GDAP2: variants seen among roughly 807,000 people sequenced by gnomAD.
The protein encoded by GDAP2 is ganglioside-induced differentiation-associated protein 2.
In GDAP2, 51 loss-of-function variants were observed where a neutral mutation model predicts 67.0. The ratio of observed to expected loss-of-function variants is 0.76; its 90% confidence interval spans 0.61 to 0.96. The LOEUF (loss-of-function observed/expected upper bound fraction) is 0.96. Ranked by LOEUF, GDAP2 falls within the 40% of genes least tolerant of loss-of-function variation. The pLI is 0.00. For synonymous variants in GDAP2, 203 were observed against 207.3 expected, an observed-to-expected ratio of 0.98 and a Z score of 0.18; for missense variants, 547 against 588.3, an observed-to-expected ratio of 0.93 and a Z score of 0.73.
intron 10 of GDAP2, among the ~76,000 whole-genome samples, chr1:117,884,764 T>C (rs1648787537): frequency 1.3e-5 from 2 of 151,966 alleles, no homozygotes; most frequent in Admixed American, 6.6e-5. Context: ...CATAAATGAT[T>C]ACAAACAGAA....
intron 12 of GDAP2, among the ~76,000 whole-genome samples, chr1:117,878,683 T>C (rs966072147): frequency 6.6e-6 from 1 of 152,216 alleles, no homozygotes; most frequent in African/African-American, 2.4e-5. Context: ...GTAGATGTGG[T>C]GCCATCTTTG....
chr1:117,888,084 A>G (rs1026169524), intron 8 of GDAP2, among the ~76,000 whole-genome samples: 10 of 152,180 alleles, frequency 6.6e-5, no homozygotes, highest in African/African-American at 2.4e-4. Context: ...TTAAAATACT[A>G]TTGTTTTCCT....
rs140652175 is a variant in GDAP2 at position 117,920,983 on chromosome 1, T to C, written c.-67-559A>G. Among the ~76,000 whole-genome samples the C allele has an allele frequency of 6.0e-4, 92 of 152,256 alleles. No homozygotes were observed. The East Asian group carries it at 0.017, about 28-fold the overall frequency. On this transcript the variant is annotated intron_variant, in intron 1 of 13. Coordinates refer to ENST00000369443, the MANE Select transcript of GDAP2 (RefSeq NM_017686.4). ...ACAGGAGTTGACAATTTACAGGATATGGTGTGTGAGACAGTGATATGGTAG... is the reference window on the plus strand; with the variant it reads ...ACAGGAGTTGACAATTTACAGGATACGGTGTGTGAGACAGTGATATGGTAG...
chr1:117,897,277 A>G (rs963593632), intron 7 of GDAP2, among the ~76,000 whole-genome samples: 1 of 152,250 alleles, frequency 6.6e-6, no homozygotes, highest in African/African-American at 2.4e-5. Flanking sequence ...ACAAAAAGAC[A>G]GAAGTAAATA....
chr1:117,924,922 C>T (rs1040519487), intron 1 of GDAP2, among the ~76,000 whole-genome samples: 13 of 152,172 alleles, frequency 8.5e-5, no homozygotes, highest in South Asian at 6.2e-4. Context: ...TTGCCTCATG[C>T]TCAATGGAAT....
At chr1:117,905,197 T>G (rs181625137) in intron 6 of GDAP2, among the ~76,000 whole-genome samples, 113 of 152,326 alleles carry the variant, frequency 7.4e-4, no homozygotes, top group African/African-American at 2.7e-3. Context: ...TCCACACAGC[T>G]AAAACAGAAA....
Position 117,876,564 on chromosome 1 carries a change from G to A in GDAP2, c.1446+1445C>T, listed in dbSNP as rs1570964034. Among the ~76,000 whole-genome samples, 2 of 152,238 alleles carry A rather than the reference G, an allele frequency of 1.3e-5. 1 individual carries two copies. Among genetic ancestry groups the A allele is most frequent in the South Asian group, 4.1e-4 (2 of 4,820 alleles). ...CTCAATTTTAGAAAGCTCTAGCATA[G>A]GTACAAAGAGATGATCCAATGAGCC... On this transcript the variant is annotated intron_variant, in intron 13 of 13. Transcript: ENST00000369443.
Position 117,878,152 on chromosome 1 carries a change from C to T in GDAP2, c.1303G>A (p.Val435Met). ...YFVHPTFRSK[V>M]STWFFTTFSV... ...AAGGTGGTAAAAAACCATGTTGACA[C>T]CTGATTAATAGAAGAGAAAAAATAA... is the stretch of plus-strand genomic sequence containing the variant. The change falls in exon 13 of 14, where the codon GTG becomes ATG. Residue 435 changes from valine (V) to methionine (M), a missense_variant and splice_region_variant. Coordinates refer to ENST00000369443, the MANE Select transcript of GDAP2 (RefSeq NM_017686.4). The T allele has an allele frequency of 6.6e-7, 1 of 1,521,660 alleles. No homozygotes were observed. The highest frequency in any genetic ancestry group is 9.0e-7 in the Non-Finnish European group (1 of 1,114,328). The allele number at this position is 1,521,660 out of a possible 1,614,324, so 94.3% of individuals were successfully genotyped here.
In GDAP2 at chr1:117,929,618, G is replaced by A. The variant is rs1315047279; in HGVS notation, c.-238C>T. On this transcript the variant is annotated 5_prime_UTR_variant, in exon 1 of 14. Transcript: ENST00000369443. ...CAAATGCTCTGGGCTGCGAAACACC[G>A]GCTTCCGCTCCTGGCCAGAGCTCAC... The A allele has an allele frequency of 1.3e-5, 2 of 152,278 alleles. No individual in the cohort carries two copies. The highest frequency in any genetic ancestry group is 2.9e-5 in the Non-Finnish European group (2 of 68,092). The allele number at this position is 152,278 out of a possible 1,614,324, so 9.4% of individuals were successfully genotyped here. A position where few individuals can be genotyped will look rare whatever the true frequency, so the allele number is the denominator to read the frequency against.
chr1:117,907,811 T>C (rs1200904771), intron 5 of GDAP2, among the ~76,000 whole-genome samples: 1 of 152,160 alleles, frequency 6.6e-6, no homozygotes, highest in Non-Finnish European at 1.5e-5. Flanking sequence ...TATCTTCTCA[T>C]GTTACCCGAG....
chr1:117,873,494 C>T (rs1485457755), intron 13 of GDAP2, among the ~76,000 whole-genome samples: 1 of 151,956 alleles, frequency 6.6e-6, no homozygotes, highest in Non-Finnish European at 1.5e-5. Flanking sequence ...ACAATTTGAA[C>T]ATGATAATGA....
Position 117,865,578 on chromosome 1 carries a change from C to T in GDAP2, c.*4991G>A, listed in dbSNP as rs1000578563. ...TCAGTCTGTGATGACTGTGTGCTTA[C>T]GTTAACGAAACACATTACAAAAAAA... On this transcript the variant is annotated 3_prime_UTR_variant, in exon 14 of 14. Coordinates refer to ENST00000369443, the MANE Select transcript of GDAP2 (RefSeq NM_017686.4). The T allele has an allele frequency of 2.0e-5, 3 of 151,716 alleles. No homozygotes were observed. The highest frequency in any genetic ancestry group is 4.4e-5 in the Non-Finnish European group (3 of 67,970). 9.4% of individuals were successfully genotyped at this position (151,716 alleles called of 1,614,324 possible). A position where few individuals can be genotyped will look rare whatever the true frequency, so the allele number is the denominator to read the frequency against.
intron 7 of GDAP2, among the ~76,000 whole-genome samples, chr1:117,898,115 A>C (rs1267403962): frequency 2.0e-5 from 3 of 152,190 alleles, no homozygotes; most frequent in African/African-American, 7.2e-5. Context: ...AATTAGTCTT[A>C]TCTACTGTCC....
chr1:117,900,024 A>G (rs1384479084), intron 6 of GDAP2, among the ~76,000 whole-genome samples: 2 of 152,218 alleles, frequency 1.3e-5, no homozygotes, highest in African/African-American at 2.4e-5. Flanking sequence ...ATACATATAT[A>G]AGATTGCAGA....
At chr1:117,914,840 G>A (rs764674754) in intron 3 of GDAP2, among the ~76,000 whole-genome samples, 3 of 152,108 alleles carry the variant, frequency 2.0e-5, no homozygotes, top group Non-Finnish European at 4.4e-5. Context: ...AAGTACGAAG[G>A]TGGAAGTAAA....
At chr1:117,917,985 C>T (rs1194665204) in intron 3 of GDAP2, among the ~76,000 whole-genome samples, 3 of 152,126 alleles carry the variant, frequency 2.0e-5, no homozygotes, top group Admixed American at 2.0e-4. Flanking sequence ...CCATTCTATC[C>T]CTTCTTTCAT....
At chr1:117,882,473 T>C (rs1648687215) in intron 11 of GDAP2, among the ~76,000 whole-genome samples, 1 of 152,098 alleles carries the variant, frequency 6.6e-6, no homozygotes, top group South Asian at 2.1e-4. Context: ...GCAATACCAC[T>C]CCAGATTCAT....
At chr1:117,889,131 T>G (rs928989645) in intron 8 of GDAP2, among the ~76,000 whole-genome samples, 1 of 152,152 alleles carries the variant, frequency 6.6e-6, no homozygotes, top group Non-Finnish European at 1.5e-5. Flanking sequence ...TCTCCCTAAA[T>G]CATATGCACT....
rs779709626 is a variant in GDAP2, at chr1:117,920,290, C to T, written c.68G>A (p.Cys23Tyr). 2.0e-5 allele frequency: 32 copies of T among 1,609,560 alleles called. No homozygotes were observed. In the Admixed American group the frequency reaches 5.2e-4, roughly 26 times the overall value. Residue 23 changes from cysteine (C) to tyrosine (Y), a missense_variant, in exon 2 of 14, where the codon TGC (cysteine) becomes TAC (tyrosine). Transcript: ENST00000369443. ...VDTLPSWGDS[C>Y]QDELNSSDTT... ...ATCAGAGGAATTTAATTCATCTTGGCATGAGTCACCCCAGCTTGGTAGTGT... is the reference window on the plus strand; with the variant it reads ...ATCAGAGGAATTTAATTCATCTTGGTATGAGTCACCCCAGCTTGGTAGTGT...
Sources: allele counts gnomAD v4.1 joint callset (sites outside exome capture counted in the v4.1 genomes callset), GRCh38; gene constraint gnomAD v4.1.1; transcripts MANE v1.5; gene names NCBI Gene and HGNC (gene_info 2026-07-23, HGNC 2026-07-21).